ERC2: variants seen among roughly 807,000 people sequenced by gnomAD.
The protein encoded by ERC2 is ERC protein 2.
ERC2 carries 42 observed loss-of-function variants against 114.8 expected under a neutral mutation model. The observed-to-expected ratio is 0.37, with a 90% CI of 0.29 to 0.47. The LOEUF is 0.47. Ranked by LOEUF, ERC2 falls within the 20% of genes least tolerant of loss-of-function variation. The pLI is 0.99. For synonymous variants in ERC2, 454 were observed against 425.5 expected (o/e 1.07, Z -0.82); for missense variants, 939 against 1,150.7 (o/e 0.82, Z 2.66).
chr3:56,271,745 T>C (rs75930764), intron 3 of ERC2, among the ~76,000 whole-genome samples: 1 of 152,176 alleles, frequency 6.6e-6, no homozygotes, highest in African/African-American at 2.4e-5. Context: ...AGTTTTTTGA[T>C]CCTCACCCTC....
intron 17 of ERC2, among the ~76,000 whole-genome samples, chr3:55,550,955 G>A (rs1224829044): frequency 1.5e-4 from 22 of 150,218 alleles, no homozygotes; most frequent in Admixed American, 1.5e-3. Flanking sequence ...GGCAGATCTT[G>A]TAGTGAGCTG....
chr3:55,838,815 A>G (rs2061008204), intron 14 of ERC2, among the ~76,000 whole-genome samples: 1 of 151,976 alleles, frequency 6.6e-6, no homozygotes, highest in Non-Finnish European at 1.5e-5. Context: ...CTACAATTCT[A>G]TGTTCATAAA....
chr3:55,700,026 T>C (rs935151502), intron 15 of ERC2, among the ~76,000 whole-genome samples: 11 of 152,214 alleles, frequency 7.2e-5, no homozygotes, highest in Non-Finnish European at 7.3e-5. Context: ...GGAGATGGTT[T>C]ACTGCTATGA....
intron 14 of ERC2, among the ~76,000 whole-genome samples, chr3:55,769,818 A>G (rs2068065720): frequency 6.6e-6 from 1 of 152,210 alleles, no homozygotes; most frequent in African/African-American, 2.4e-5. Flanking sequence ...CTCTGAAAAC[A>G]GCTAAATAAA....
chr3:56,329,179 T>C (rs1473814714), intron 2 of ERC2, among the ~76,000 whole-genome samples: 1 of 152,252 alleles, frequency 6.6e-6, no homozygotes, highest in African/African-American at 2.4e-5. Context: ...ACTTCAGATG[T>C]TTAAAAGATT....
intron 15 of ERC2, among the ~76,000 whole-genome samples, chr3:55,731,494 T>A: frequency 6.6e-6 from 1 of 152,228 alleles, no homozygotes; most frequent in Middle Eastern, 3.2e-3. Flanking sequence ...ACTCTTTGAA[T>A]TGTTAGCCCA....
At chr3:55,584,958 C>T (rs1262429900) in intron 17 of ERC2, among the ~76,000 whole-genome samples, 1 of 152,120 alleles carries the variant, frequency 6.6e-6, no homozygotes, top group Admixed American at 6.5e-5. Flanking sequence ...TGCAAAATAC[C>T]CGGGGAGTTA....
chr3:56,051,245 CAG>C (rs537034583), intron 7 of ERC2, among the ~76,000 whole-genome samples: 202 of 152,118 alleles, frequency 1.3e-3, no homozygotes, highest in African/African-American at 4.2e-3. Flanking sequence ...ACTTGGAACT[CAG>C]ATAAGTGCTA....
chr3:56,033,085 A>AAAGAAAGAAAAGT (rs780022057), intron 7 of ERC2, among the ~76,000 whole-genome samples: 6 of 145,136 alleles, frequency 4.1e-5, no homozygotes, highest in African/African-American at 1.5e-4. Context: ...AGAAAGAAAG[A>AAAGAAAGAAAAGT]AAAGTAAAGT....
rs943114065 is a variant in ERC2, at chr3:56,086,556, C to T, written c.1474-5572G>A. Among the ~76,000 whole-genome samples, 23 of 151,528 alleles carry T rather than the reference C, an allele frequency of 1.5e-4. No individual in the cohort carries two copies. In the Middle Eastern group the frequency reaches 0.014, roughly 90 times the overall value. ...ACAGGCAATTCACAAGCAACATTAG[C>T]CCAGTGTGCAGTAAGCAAGTATGAC... On this transcript the variant is annotated intron_variant, in intron 6 of 17. Coordinates refer to ENST00000288221, the MANE Select transcript of ERC2 (RefSeq NM_015576.3).
intron 2 of ERC2, among the ~76,000 whole-genome samples, chr3:56,326,130 T>C (rs897286270): frequency 3.3e-5 from 5 of 152,184 alleles, no homozygotes; most frequent in Middle Eastern, 6.8e-3. Context: ...ACTTAGAAAA[T>C]TAGAATTGGA....
chr3:55,934,195 T>C (rs1553741461), intron 13 of ERC2, among the ~76,000 whole-genome samples: 1 of 152,180 alleles, frequency 6.6e-6, no homozygotes, highest in Non-Finnish European at 1.5e-5. Flanking sequence ...TGGGAAAAAG[T>C]ATACAAAGAC....
At chr3:55,828,023 AC>A (rs1477967580) in intron 14 of ERC2, among the ~76,000 whole-genome samples, 1 of 152,240 alleles carries the variant, frequency 6.6e-6, no homozygotes, top group East Asian at 1.9e-4. Context: ...GCCATTTTAA[AC>A]ACTCAGCTAG....
intron 17 of ERC2, among the ~76,000 whole-genome samples, chr3:55,681,541 C>G (rs527672057): frequency 6.6e-6 from 1 of 152,096 alleles, no homozygotes; most frequent in Non-Finnish European, 1.5e-5. Flanking sequence ...ACAGAAGGTT[C>G]CCCCAGTATC....
At chr3:55,767,807 GT>G (rs751222190) in intron 14 of ERC2, among the ~76,000 whole-genome samples, 1 of 152,198 alleles carries the variant, frequency 6.6e-6, no homozygotes, top group Non-Finnish European at 1.5e-5. Flanking sequence ...AGCTATGAAC[GT>G]TCTCGTTACT....
In ERC2 at chr3:55,871,145, C is replaced by A. The variant is rs557597391; in HGVS notation, c.2564+17244G>T. On this transcript the variant is annotated intron_variant, in intron 14 of 17. Transcript: ENST00000288221. ...CAAAGTGGTGTCAAAGTTGGATGTACAATAGACATTCAAATAATCAATACT... is the reference window on the plus strand; with the variant it reads ...CAAAGTGGTGTCAAAGTTGGATGTAAAATAGACATTCAAATAATCAATACT... Among the ~76,000 whole-genome samples the A allele has an allele frequency of 9.2e-5, 14 of 152,262 alleles. No individual in the cohort carries two copies. In the South Asian group the frequency reaches 2.3e-3, roughly 25 times the overall value.
intron 13 of ERC2, among the ~76,000 whole-genome samples, chr3:55,949,338 C>T (rs1290912749): frequency 6.6e-6 from 1 of 151,830 alleles, no homozygotes; most frequent in Non-Finnish European, 1.5e-5. Context: ...CCACTGCTCT[C>T]CAGTCTGGGC....
intron 7 of ERC2, among the ~76,000 whole-genome samples, chr3:56,053,388 G>T (rs1224210853): frequency 6.6e-6 from 1 of 152,028 alleles, no homozygotes; most frequent in South Asian, 2.1e-4. Flanking sequence ...GGGAGGAATG[G>T]GCTTCTTTCT....
At chr3:56,137,888 A>G (rs1392206038) in intron 6 of ERC2, among the ~76,000 whole-genome samples, 1 of 152,238 alleles carries the variant, frequency 6.6e-6, no homozygotes, top group East Asian at 1.9e-4. Context: ...ACATGTGGCT[A>G]CAGTGTTAAC....
Sources: gnomAD v4.1 joint callset for allele counts (sites outside exome capture counted in the v4.1 genomes callset) on GRCh38, gnomAD v4.1.1 for gene constraint, MANE v1.5 for transcripts, NCBI Gene and HGNC (gene_info 2026-07-23, HGNC 2026-07-21) for gene names.